DROSHA: variants seen among roughly 807,000 people sequenced by gnomAD.
DROSHA encodes the protein ribonuclease 3.
A neutral mutation model predicts 181.9 loss-of-function variants in DROSHA; 56 were observed. The ratio of observed to expected loss-of-function variants is 0.31; its 90% CI spans 0.25 to 0.38. DROSHA has a LOEUF of 0.38. Among genes scored for constraint, DROSHA ranks in the 10% least tolerant of loss-of-function variants. The pLI, the probability that DROSHA is intolerant of heterozygous loss-of-function variation, is 1.00. For missense variants in DROSHA, 1,218 were observed against 1,743.5 expected (o/e 0.70, Z 5.37); for synonymous variants, 524 against 591.2 (o/e 0.89, Z 1.65).
intron 20 of DROSHA, among the ~76,000 whole-genome samples, chr5:31,455,790 A>T (rs1254123178): frequency 6.6e-6 from 1 of 151,858 alleles, no homozygotes; most frequent in Non-Finnish European, 1.5e-5. Context: ...ACAGGTGTGC[A>T]CCACCACACC....
intron 23 of DROSHA, among the ~76,000 whole-genome samples, chr5:31,446,403 T>C (rs1380593730): frequency 3.0e-4 from 38 of 125,444 alleles, no homozygotes; most frequent in East Asian, 2.3e-3. Flanking sequence ...GCCGAGATCG[T>C]ACCACTGCAC....
At chr5:31,502,035 T>A (rs1370768505) in intron 11 of DROSHA, among the ~76,000 whole-genome samples, 3 of 152,218 alleles carry the variant, frequency 2.0e-5, no homozygotes, top group African/African-American at 7.2e-5. Context: ...AGACATCCCC[T>A]CCAAAGTAAA....
chr5:31,503,171 C>T (rs377509967), intron 11 of DROSHA, among the ~76,000 whole-genome samples: 1 of 152,082 alleles, frequency 6.6e-6, no homozygotes, highest in African/African-American at 2.4e-5. Flanking sequence ...TCCTTAGCCA[C>T]CCCAGAGCAA....
At chr5:31,472,786 C>G (rs1287901388) in intron 16 of DROSHA, among the ~76,000 whole-genome samples, 1 of 152,130 alleles carries the variant, frequency 6.6e-6, no homozygotes, top group Non-Finnish European at 1.5e-5. Context: ...GTGCTAATAT[C>G]ATGGAAGATC....
chr5:31,493,282 T>G lies in DROSHA; in HGVS notation c.1767A>C (p.Pro589=). The change falls in exon 13 of 36, where the codon CCA becomes CCC. Residue 589 remains proline, a synonymous_variant. Coordinates refer to ENST00000344624, the MANE Select transcript of DROSHA (RefSeq NM_001382508.1). ...SPPTNFLTDR[P]TVIEYDDHEY... is the part of the protein sequence containing the mutation. The stretch of plus-strand genomic sequence containing the variant: ...CGTGATCATCGTATTCTATAACAGT[T>G]GGCCTGTCAGTCTAAAAGCAAACAG... The G allele has an allele frequency of 6.3e-7, 1 of 1,599,710 alleles. No individual in the cohort carries two copies. The highest frequency in any genetic ancestry group is 8.5e-7 in the Non-Finnish European group (1 of 1,173,860).
At chr5:31,499,281 T>C (rs1753329091) in intron 11 of DROSHA, among the ~76,000 whole-genome samples, 1 of 152,184 alleles carries the variant, frequency 6.6e-6, no homozygotes, top group Non-Finnish European at 1.5e-5. Flanking sequence ...TTCACAGGTG[T>C]TGATTCCTAA....
At chr5:31,401,896 G>A (rs139641786) in intron 35 of DROSHA, among the ~76,000 whole-genome samples, 1 of 152,256 alleles carries the variant, frequency 6.6e-6, no homozygotes, top group Non-Finnish European at 1.5e-5. Flanking sequence ...CACTCTCCTA[G>A]CAACAGGTGA....
At chr5:31,422,652 G>T in intron 29 of DROSHA, 135 bp downstream of exon 29, 1 of 1,078,186 alleles carries the variant, frequency 9.3e-7, no homozygotes, top group Non-Finnish European at 1.3e-6. Context: ...AGGTCTGTCT[G>T]CTCACCCATC....
intron 6 of DROSHA, among the ~76,000 whole-genome samples, chr5:31,518,866 T>C (rs1404978357): frequency 1.3e-5 from 2 of 152,224 alleles, no homozygotes; most frequent in Non-Finnish European, 2.9e-5. Context: ...GCAAAAGACA[T>C]CCTCACCCAT....
intron 34 of DROSHA, among the ~76,000 whole-genome samples, 176 bp downstream of exon 34, chr5:31,406,677 G>A (rs376919761): frequency 7.9e-5 from 12 of 152,066 alleles, no homozygotes; most frequent in African/African-American, 2.2e-4. Context: ...TCCAGGGCTC[G>A]GCTTTGAGAC....
At chr5:31,424,312 C>T (rs190734040) in intron 28 of DROSHA, 115 bp downstream of exon 28, 3 of 1,338,394 alleles carry the variant, frequency 2.2e-6, no homozygotes, top group African/African-American at 3.0e-5. Flanking sequence ...CTTAAAGGCA[C>T]AATGCCACCG....
At chr5:31,461,555 T>C (rs1748403604) in intron 20 of DROSHA, among the ~76,000 whole-genome samples, 1 of 152,204 alleles carries the variant, frequency 6.6e-6, no homozygotes, top group Non-Finnish European at 1.5e-5. Context: ...GCTTGCATAG[T>C]CAGTGGTTTA....
intron 22 of DROSHA, 27 bp downstream of exon 22, chr5:31,449,254 T>C (rs1273529983): frequency 1.9e-6 from 3 of 1,611,788 alleles, no homozygotes; most frequent in Non-Finnish European, 2.5e-6. Context: ...AATAGGAGAT[T>C]CACATCTTAA....
intron 31 of DROSHA, among the ~76,000 whole-genome samples, chr5:31,410,324 A>C (rs1054393902): frequency 6.6e-6 from 1 of 152,230 alleles, no homozygotes; most frequent in Admixed American, 6.5e-5. Flanking sequence ...TTGTCCGCAG[A>C]GCTTTGCACT....
Position 31,437,135 on chromosome 5 carries a change from A to G in DROSHA, c.2942+104T>C, listed in dbSNP as rs1278239101. The G allele has an allele frequency of 2.4e-6, 3 of 1,224,504 alleles. No individual in the cohort carries two copies. In the Admixed American group the frequency reaches 6.2e-5, roughly 25 times the overall value. 75.9% of individuals were successfully genotyped at this position (1,224,504 alleles called of 1,614,324 possible). On this transcript the variant is annotated intron_variant, in intron 24 of 35. Coordinates refer to ENST00000344624, the MANE Select transcript of DROSHA (RefSeq NM_001382508.1). ...ACAAAAGAGATAAAATACACGGTGTATCAATGCCTTATTTGGCTAATTACA... is the reference window on the plus strand; with the variant it reads ...ACAAAAGAGATAAAATACACGGTGTGTCAATGCCTTATTTGGCTAATTACA...
chr5:31,416,069 T>G (rs190340718), intron 30 of DROSHA, among the ~76,000 whole-genome samples: 60 of 152,312 alleles, frequency 3.9e-4, no homozygotes, highest in African/African-American at 1.4e-3. Flanking sequence ...AAAGCCATAT[T>G]ACATTTGCTC....
intron 26 of DROSHA, among the ~76,000 whole-genome samples, chr5:31,431,128 GGGTGGGGCTTAAAAGATGT>G: frequency 6.6e-6 from 1 of 152,228 alleles, no homozygotes; most frequent in Non-Finnish European, 1.5e-5. Context: ...CTCAAACCCT[GGGTGGGGCTTAAAAGATGT>G]GGTGTTCTCA....
intron 11 of DROSHA, among the ~76,000 whole-genome samples, chr5:31,496,620 T>C (rs1384009355): frequency 6.6e-6 from 1 of 152,116 alleles, no homozygotes; most frequent in African/African-American, 2.4e-5. Context: ...GGTGTGCTAT[T>C]CTCCAAGCCA....
intron 16 of DROSHA, among the ~76,000 whole-genome samples, chr5:31,474,537 AT>A (rs1750137870): frequency 6.6e-6 from 1 of 151,792 alleles, no homozygotes; most frequent in Non-Finnish European, 1.5e-5. Context: ...TACTTTTTTA[AT>A]TTTTTTGTAG....
Sources: allele counts gnomAD v4.1 joint callset (sites outside exome capture counted in the v4.1 genomes callset), GRCh38; gene constraint gnomAD v4.1.1; transcripts MANE v1.5; gene names NCBI Gene and HGNC (gene_info 2026-07-23, HGNC 2026-07-21).